APLF: variants seen among roughly 807,000 people sequenced by gnomAD.
APLF encodes the protein aprataxin and PNKP like factor.
In APLF, 61 loss-of-function variants were observed where a neutral mutation model predicts 55.6. The ratio of observed to expected loss-of-function variants is 1.10; its 90% CI spans 0.89 to 1.36. The LOEUF is 1.36. Among genes scored for constraint, APLF ranks in the 40% most tolerant of loss-of-function variants. APLF has a pLI of 0.00. For synonymous variants in APLF, 207 were observed against 214.8 expected (o/e 0.96, Z 0.32); for missense variants, 611 against 602.5 (o/e 1.01, Z -0.15).
intron 9 of APLF, among the ~76,000 whole-genome samples, chr2:68,569,634 G>A (rs1406378959): frequency 6.7e-6 from 1 of 149,198 alleles, no homozygotes; most frequent in Non-Finnish European, 1.5e-5. Flanking sequence ...CCAAAATCAA[G>A]CTGGTGAATA....
chr2:68,563,172 C>A (rs1297005031), intron 8 of APLF: 1 of 985,082 alleles, frequency 1.0e-6, no homozygotes, highest in Non-Finnish European at 1.2e-6. Flanking sequence ...TTTTACCTGT[C>A]TTTTTATGAA....
chr2:68,484,564 T>C (rs544441411), intron 1 of APLF, among the ~76,000 whole-genome samples: 9 of 151,884 alleles, frequency 5.9e-5, no homozygotes, highest in Non-Finnish European at 1.3e-4. Flanking sequence ...TGGTGGCGCA[T>C]GCCTGTAATC....
At chr2:68,577,355 A>T (rs1209942408) in intron 9 of APLF, among the ~76,000 whole-genome samples, 1 of 152,164 alleles carries the variant, frequency 6.6e-6, no homozygotes, top group East Asian at 1.9e-4. Context: ...TATCTGGGAC[A>T]TGCTGTTCTT....
At chr2:68,477,923 C>T (rs1675828841) in intron 1 of APLF, among the ~76,000 whole-genome samples, 2 of 151,934 alleles carry the variant, frequency 1.3e-5, no homozygotes, top group South Asian at 2.1e-4. Flanking sequence ...TCCACCTAGT[C>T]CCACCCTTGA....
intron 9 of APLF, among the ~76,000 whole-genome samples, chr2:68,575,669 G>A (rs912717187): frequency 5.9e-5 from 9 of 151,942 alleles, no homozygotes; most frequent in African/African-American, 2.2e-4. Context: ...CTCGGTGAGG[G>A]ATATTAAAGG....
At chr2:68,512,735 G>A (rs1035865101) in intron 3 of APLF, among the ~76,000 whole-genome samples, 1 of 151,854 alleles carries the variant, frequency 6.6e-6, no homozygotes, top group African/African-American at 2.4e-5. Flanking sequence ...TGCCCTTGCA[G>A]TTTACATTAT....
intron 9 of APLF, among the ~76,000 whole-genome samples, chr2:68,575,796 T>A (rs1268551200): frequency 6.6e-6 from 1 of 152,116 alleles, no homozygotes; most frequent in African/African-American, 2.4e-5. Flanking sequence ...AGAGTTATGT[T>A]CTGGAAATGT....
chr2:68,538,363 T>C, intron 7 of APLF, 136 bp downstream of exon 7: 1 of 705,124 alleles, frequency 1.4e-6, no homozygotes, highest in Non-Finnish European at 2.2e-6. Context: ...GTTTCTACTA[T>C]TTGTACTTCC....
chr2:68,471,740 T>G (rs1290843812), intron 1 of APLF, among the ~76,000 whole-genome samples: 1 of 152,206 alleles, frequency 6.6e-6, no homozygotes, highest in African/African-American at 2.4e-5. Flanking sequence ...AATCACTGAT[T>G]TTTAAAAGGT....
intron 1 of APLF, among the ~76,000 whole-genome samples, chr2:68,468,898 A>G (rs1675520617): frequency 6.6e-6 from 1 of 152,070 alleles, no homozygotes; most frequent in African/African-American, 2.4e-5. Context: ...CAGAGTCTAA[A>G]TGGAACCATT....
intron 7 of APLF, among the ~76,000 whole-genome samples, chr2:68,541,669 G>A (rs1214097488): frequency 6.6e-6 from 1 of 152,200 alleles, no homozygotes; most frequent in Non-Finnish European, 1.5e-5. Flanking sequence ...GCTTAATTAT[G>A]CTGTCACAGT....
In APLF at chr2:68,576,074, C is replaced by T. The variant is rs546363773; in HGVS notation, c.1334-1746C>T. Among the ~76,000 whole-genome samples, 38 of 152,144 alleles carry T rather than the reference C, an allele frequency of 2.5e-4. No individual in the cohort carries two copies. In the South Asian group the frequency reaches 7.9e-3, roughly 32 times the overall value. ...AGCAGAGAACCTGGAGTTGTTTCAC[C>T]TTTATATCTGTTTTTCTTGTAAAGC... On this transcript the variant is annotated intron_variant, in intron 9 of 9. Coordinates refer to ENST00000303795, the MANE Select transcript of APLF (RefSeq NM_173545.3).
intron 8 of APLF, among the ~76,000 whole-genome samples, chr2:68,555,501 A>T (rs1312546760): frequency 5.3e-5 from 8 of 152,188 alleles, no homozygotes; most frequent in African/African-American, 1.7e-4. Flanking sequence ...TAGGCTAAGG[A>T]CATGAATAGA....
intron 1 of APLF, among the ~76,000 whole-genome samples, chr2:68,478,488 T>G (rs572536590): frequency 2.7e-4 from 41 of 152,300 alleles, no homozygotes; most frequent in African/African-American, 9.1e-4. Flanking sequence ...TGTGACAACT[T>G]AAAGCAAAGG....
In APLF at chr2:68,513,565, T is replaced by TA; in HGVS notation, c.508dup (p.Arg170LysfsTer5). On this transcript the variant is annotated frameshift_variant, in exon 5 of 10. Coordinates refer to ENST00000303795, the MANE Select transcript of APLF (RefSeq NM_173545.3). LOFTEE classifies it high-confidence loss of function. ...CTTTTTAGTCTTTCCTAGGTGAAAA[T>TA]AGAGACTGCAATAAGCAGCAGCCAA... The TA allele has an allele frequency of 6.2e-7, 1 of 1,611,104 alleles. No individual in the cohort carries two copies. The highest frequency in any genetic ancestry group is 8.5e-7 in the Non-Finnish European group (1 of 1,178,142).
intron 3 of APLF, among the ~76,000 whole-genome samples, chr2:68,511,100 A>C (rs1677035995): frequency 6.6e-6 from 1 of 151,768 alleles, no homozygotes; most frequent in Admixed American, 6.6e-5. Flanking sequence ...TATTGGTGAT[A>C]GTTGCACAAC....
chr2:68,556,674 A>T (rs1671024648), intron 8 of APLF, among the ~76,000 whole-genome samples: 1 of 152,228 alleles, frequency 6.6e-6, no homozygotes, highest in Admixed American at 6.5e-5. Context: ...TAAGAATGTA[A>T]AGTCACAATC....
Position 68,577,926 on chromosome 2 carries a change from T to C in APLF, c.1440T>C (p.Asp480=). Reference sequence around the variant, plus strand: ...AGGAAGAAGACTATGAGCCAACAGATGAAGATTCTGACTGGGAACCAGGAA... The same window carrying C: ...AGGAAGAAGACTATGAGCCAACAGACGAAGATTCTGACTGGGAACCAGGAA... The part of the protein sequence containing the change: ...DDEEEDYEPT[D]EDSDWEPGKE... Residue 480 remains aspartate (D), a synonymous_variant, in exon 10 of 10, where the codon GAT becomes GAC. Coordinates refer to ENST00000303795, the MANE Select transcript of APLF (RefSeq NM_173545.3). 6.2e-7 allele frequency: 1 copy of C among 1,613,430 alleles called. No homozygotes were observed. Among genetic ancestry groups the C allele is most frequent in the Non-Finnish European group, 8.5e-7 (1 of 1,179,666 alleles).
intron 1 of APLF, among the ~76,000 whole-genome samples, chr2:68,474,732 G>A (rs544156498): frequency 2.6e-5 from 4 of 152,050 alleles, no homozygotes; most frequent in South Asian, 2.1e-4. Context: ...TCAATGGTGC[G>A]ATCTTGGCTC....
Sources: allele counts gnomAD v4.1 joint callset (sites outside exome capture counted in the v4.1 genomes callset), GRCh38; gene constraint gnomAD v4.1.1; transcripts MANE v1.5; gene names NCBI Gene and HGNC (gene_info 2026-07-23, HGNC 2026-07-21).